TBC1D16: variants seen among roughly 807,000 people sequenced by gnomAD.
The protein encoded by TBC1D16 is TBC1 domain family member 16, also known as CTD-2529O21.1.
A neutral mutation model predicts 74.7 loss-of-function variants in TBC1D16; 58 were observed. That is an observed-to-expected ratio of 0.78 (90% CI 0.63 to 0.97). The LOEUF is 0.97. TBC1D16 is among the 50% of genes least tolerant of loss of function. The pLI is 0.00. For missense variants in TBC1D16, 1,014 were observed against 1,079.5 expected, an observed-to-expected ratio of 0.94 and a Z score of 0.85; for synonymous variants, 493 against 474.7, an observed-to-expected ratio of 1.04 and a Z score of -0.50.
Position 79,934,019 on chromosome 17 carries a change from G to A in TBC1D16, c.*6840C>T, listed in dbSNP as rs974851108. The A allele has an allele frequency of 1.3e-5, 2 of 152,228 alleles. No individual in the cohort carries two copies. Among genetic ancestry groups the A allele is most frequent in the African/African-American group, 2.4e-5 (1 of 41,452 alleles). The allele number at this position is 152,228 out of a possible 1,614,324, so 9.4% of individuals were successfully genotyped here. A position where few individuals can be genotyped will look rare whatever the true frequency, so the allele number is the denominator to read the frequency against. ...TGAGTCATGCTCGCTGCCCAGCTGT[G>A]TGGCAAGGGCACTCCCTAGGCACTG... On this transcript the variant is annotated 3_prime_UTR_variant, in exon 12 of 12. Coordinates refer to ENST00000310924, the MANE Select transcript of TBC1D16 (RefSeq NM_019020.4).
At chr17:79,977,878 G>C (rs1004582328) in intron 3 of TBC1D16, among the ~76,000 whole-genome samples, 27 of 152,242 alleles carry the variant, frequency 1.8e-4, no homozygotes, top group African/African-American at 6.3e-4. Flanking sequence ...GCGGCTGCCA[G>C]TTCGAAGAGG....
At chr17:79,943,899 G>A in intron 10 of TBC1D16, 1 of 1,410,446 alleles carries the variant, frequency 7.1e-7, no homozygotes, top group Non-Finnish European at 9.2e-7. Context: ...TTTAATTCGG[G>A]AGTGGTGGGA....
chr17:80,014,924 T>C (rs1383361679), intron 1 of TBC1D16, among the ~76,000 whole-genome samples: 1 of 152,060 alleles, frequency 6.6e-6, no homozygotes, highest in African/African-American at 2.4e-5. Flanking sequence ...ATGAAATGTA[T>C]ATATAATGCG....
At chr17:79,967,001 C>T (rs2144020442) in intron 3 of TBC1D16, among the ~76,000 whole-genome samples, 1 of 152,224 alleles carries the variant, frequency 6.6e-6, no homozygotes, top group South Asian at 2.1e-4. Context: ...ACAAATCCAA[C>T]AGCATTTCAA....
intron 3 of TBC1D16, among the ~76,000 whole-genome samples, chr17:79,972,221 G>C (rs150395306): frequency 6.6e-6 from 1 of 152,074 alleles, no homozygotes; most frequent in South Asian, 2.1e-4. Flanking sequence ...TTGTCACCCA[G>C]GCTGGAGTGC....
At position 79,985,536 on chromosome 17, in the gene TBC1D16, C is replaced by A. The variant is rs2034800960; in HGVS notation, c.779+24624G>T. Among the ~76,000 whole-genome samples the A allele has an allele frequency of 6.6e-6, 1 of 152,242 alleles. No homozygotes were observed. The highest frequency in any genetic ancestry group is 2.1e-4 in the South Asian group (1 of 4,830). On this transcript the variant is annotated intron_variant, in intron 3 of 11. Transcript: ENST00000310924. This position sits in a 1 kb window ranked among gnomAD's most constrained non-coding sequence, Gnocchi z 4.9. ...AGGTCCTCGAGGAGCATCTCCCAGTCCAGTCTCAGCGGGCACTGGCCTGGC... is the reference window on the plus strand; with the variant it reads ...AGGTCCTCGAGGAGCATCTCCCAGTACAGTCTCAGCGGGCACTGGCCTGGC...
In TBC1D16 at chr17:79,941,230, A is replaced by AG; in HGVS notation, c.2056-124dup. ...CGGCCTGCACCTCGGGGGCTCACCG[A>AG]GTCCTGGACTGAGGGCTCTGCCTGC... is the stretch of plus-strand genomic sequence containing the variant. On this transcript the variant is annotated intron_variant, in intron 11 of 11. Coordinates refer to ENST00000310924, the MANE Select transcript of TBC1D16 (RefSeq NM_019020.4). The surrounding 1 kb of genome is among the most constrained non-coding windows in gnomAD (Gnocchi z 4.3). 3.2e-6 allele frequency: 3 copies of AG among 940,844 alleles called. No individual in the cohort carries two copies. The highest frequency in any genetic ancestry group is 4.7e-6 in the Non-Finnish European group (3 of 644,836). 58.3% of individuals were successfully genotyped at this position (940,844 alleles called of 1,614,324 possible). A position where few individuals can be genotyped will look rare whatever the true frequency, so the allele number is the denominator to read the frequency against.
At chr17:80,015,804 A>T (rs2036066281) in intron 1 of TBC1D16, among the ~76,000 whole-genome samples, 1 of 152,108 alleles carries the variant, frequency 6.6e-6, no homozygotes, top group Non-Finnish European at 1.5e-5. Context: ...TGAGGTCAGG[A>T]GTTCGAGATC....
rs2034787452 is a variant in TBC1D16 at position 79,985,230 on chromosome 17, G to A, written c.779+24930C>T. Among the ~76,000 whole-genome samples, 1 of 152,048 alleles carries A rather than the reference G, an allele frequency of 6.6e-6. No individual in the cohort carries two copies. The highest frequency in any genetic ancestry group is 1.5e-5 in the Non-Finnish European group (1 of 68,016). ...ATCTCCCTGCCCCTCCTGTGTCTGT[G>A]TGTCCGTCCGTGTCTTTTAAAGACA... On this transcript the variant is annotated intron_variant, in intron 3 of 11. Transcript: ENST00000310924. This position sits in a 1 kb window ranked among gnomAD's most constrained non-coding sequence, Gnocchi z 4.9.
rs2033319916 is a variant in TBC1D16, at chr17:79,956,078, C to G, written c.780-3260G>C. On this transcript the variant is annotated intron_variant, in intron 3 of 11. Transcript: ENST00000310924. The surrounding 1 kb of genome is among the most constrained non-coding windows in gnomAD (Gnocchi z 4.0). ...GAGAGCTCATGAGAGAGACACGCAA[C>G]TGGCAGTCAGCACCAGAGCCCCGAC... Among the ~76,000 whole-genome samples, 1 of 152,182 alleles carries G rather than the reference C, an allele frequency of 6.6e-6. No individual in the cohort carries two copies. Among genetic ancestry groups the G allele is most frequent in the Admixed American group, 6.5e-5 (1 of 15,280 alleles).
Position 79,994,730 on chromosome 17 carries a change from GT to G in TBC1D16, c.779+15429del, listed in dbSNP as rs1362986559. On this transcript the variant is annotated intron_variant, in intron 3 of 11. Coordinates refer to ENST00000310924, the MANE Select transcript of TBC1D16 (RefSeq NM_019020.4). This position sits in a 1 kb window ranked among gnomAD's most constrained non-coding sequence, Gnocchi z 4.6. ...TGAGCCATTGCGCCCGGCCGAGAAT[GT>G]TTTTTCAAAAAAGCAGGTCGCCAAT... 6.6e-6 allele frequency among the ~76,000 whole-genome samples: 1 copy of G among 152,082 alleles called. No homozygotes were observed. Among genetic ancestry groups the G allele is most frequent in the African/African-American group, 2.4e-5 (1 of 41,422 alleles).
Position 79,942,172 on chromosome 17 carries a change from A to G in TBC1D16, c.1943T>C (p.Ile648Thr), listed in dbSNP as rs1469553268. ...DYFHLFICVA[I>T]VAIYGDDVIE... is the part of the protein sequence containing the mutation. ...GACGTCATCCCCGTAGATGGCCACG[A>G]TGGCCACGCAGATGAAAAGGTGGAA... Residue 648 changes from isoleucine (I) to threonine (T), a missense_variant, in exon 11 of 12, where the codon ATC becomes ACC. Physicochemically the swap from Ile to Thr is moderately conservative, Grantham distance 89. Transcript: ENST00000310924. 6.2e-7 allele frequency: 1 copy of G among 1,607,716 alleles called. No homozygotes were observed. Among genetic ancestry groups the G allele is most frequent in the South Asian group, 1.1e-5 (1 of 89,776 alleles).
intron 3 of TBC1D16, among the ~76,000 whole-genome samples, chr17:79,962,201 A>ATTTTT (rs563506473): frequency 3.1e-5 from 2 of 64,988 alleles, no homozygotes; most frequent in Non-Finnish European, 5.5e-5. Flanking sequence ...ATCTCAACCT[A>ATTTTT]TTTTTTTTTT....
chr17:79,955,113 C>A lies in TBC1D16; in HGVS notation c.780-2295G>T, dbSNP rs1217385067. On this transcript the variant is annotated intron_variant, in intron 3 of 11. Transcript: ENST00000310924. ...GCAGGAGTTGGCTTAAACCCTCTCG[C>A]AACCCCTTAGGGGCAAATTATTTGC... is the stretch of plus-strand genomic sequence containing the variant. Among the ~76,000 whole-genome samples the A allele has an allele frequency of 2.0e-5, 3 of 152,240 alleles. No individual in the cohort carries two copies. In the South Asian group the frequency reaches 6.2e-4, roughly 31 times the overall value.
intron 1 of TBC1D16, among the ~76,000 whole-genome samples, chr17:80,015,127 T>C (rs1370697727): frequency 3.3e-5 from 5 of 152,106 alleles, no homozygotes; most frequent in African/African-American, 1.2e-4. Flanking sequence ...GGAACGACCG[T>C]GTCAGTGAAG....
Position 80,013,517 on chromosome 17 carries a change from A to G in TBC1D16, c.31T>C (p.Ser11Pro). The part of the protein sequence containing the change: MSLGRLLRRA[S>P]SKASDLLTLT... ...GTCAGGAGGTCCGAGGCTTTGGAGG[A>G]GGCCCTGCGAAGGAGGCGGCCCAGA... The change falls in exon 2 of 12, where the codon TCC becomes CCC. Residue 11 changes from serine to proline, a missense_variant. Transcript: ENST00000310924. 6.4e-7 allele frequency: 1 copy of G among 1,557,576 alleles called. No homozygotes were observed. Among genetic ancestry groups the G allele is most frequent in the Non-Finnish European group, 8.7e-7 (1 of 1,152,802 alleles).
At chr17:79,942,001 T>C (rs2032050257) in intron 11 of TBC1D16, 59 bp downstream of exon 11, 2 of 1,122,872 alleles carry the variant, frequency 1.8e-6, no homozygotes, top group South Asian at 1.4e-5. Context: ...GAGAACGAGC[T>C]GGTGGGGTGG....
Position 79,971,734 on chromosome 17 carries a change from C to T in TBC1D16, c.780-18916G>A, listed in dbSNP as rs2034113561. Among the ~76,000 whole-genome samples, 1 of 152,168 alleles carries T rather than the reference C, an allele frequency of 6.6e-6. No individual in the cohort carries two copies. Among genetic ancestry groups the T allele is most frequent in the Non-Finnish European group, 1.5e-5 (1 of 68,042 alleles). ...GCCCGACCCACCAGGAGACATGGAC[C>T]TCATAGGAGGTGAGCTGAGGATGTG... On this transcript the variant is annotated intron_variant, in intron 3 of 11. Transcript: ENST00000310924. The surrounding 1 kb of genome is among the most constrained non-coding windows in gnomAD (Gnocchi z 4.6).
chr17:80,018,150 T>C (rs2036155727), intron 1 of TBC1D16, among the ~76,000 whole-genome samples: 1 of 137,392 alleles, frequency 7.3e-6, no homozygotes, highest in South Asian at 2.3e-4. Flanking sequence ...GCAGGAGACA[T>C]AGATACAATT....
Sources: allele counts gnomAD v4.1 joint callset (sites outside exome capture counted in the v4.1 genomes callset), GRCh38; gene constraint gnomAD v4.1.1; non-coding constraint Gnocchi (gnomAD v3.1); transcripts MANE v1.5; gene names NCBI Gene and HGNC (gene_info 2026-07-23, HGNC 2026-07-21).